TCF4: variants seen among roughly 807,000 people sequenced by gnomAD.
The protein encoded by TCF4 is SL3-3 enhancer factor 2.
A neutral mutation model predicts 82.1 loss-of-function variants in TCF4; 3 were observed. The ratio of observed to expected loss-of-function variants is 0.04; its 90% confidence interval spans 0.02 to 0.09. TCF4 has a LOEUF of 0.09. Ranked by LOEUF, TCF4 falls within the 10% of genes least tolerant of loss-of-function variation. The pLI is 1.00. For synonymous variants in TCF4, 276 were observed against 309.6 expected, an observed-to-expected ratio of 0.89 and a Z score of 1.14; for missense variants, 518 against 852.7, an observed-to-expected ratio of 0.61 and a Z score of 4.89.
chr18:55,539,321 G>T (rs111229173), intron 3 of TCF4, among the ~76,000 whole-genome samples: 113 of 152,276 alleles, frequency 7.4e-4, no homozygotes, highest in African/African-American at 2.6e-3. Flanking sequence ...AACATGTCTG[G>T]CAAGGGCTTT....
At chr18:55,384,978 G>T (rs1418572691) in intron 6 of TCF4, among the ~76,000 whole-genome samples, 1 of 152,158 alleles carries the variant, frequency 6.6e-6, no homozygotes, top group African/African-American at 2.4e-5. Flanking sequence ...GAGCCCGACA[G>T]ATTTTTACTC....
chr18:55,395,715 A>T (rs1198767873), intron 6 of TCF4, among the ~76,000 whole-genome samples: 2 of 152,222 alleles, frequency 1.3e-5, no homozygotes, highest in Admixed American at 1.3e-4. Context: ...ATGAATCCAA[A>T]TTTATATAAT....
chr18:55,324,278 C>G (rs2076191580), intron 8 of TCF4, among the ~76,000 whole-genome samples: 2 of 152,168 alleles, frequency 1.3e-5, no homozygotes, highest in Admixed American at 6.5e-5. Context: ...CGAATTATAG[C>G]CAGTGAGACA....
rs1312376110 is a variant in TCF4 at position 55,227,913 on chromosome 18, A to G, written c.*122T>C. The G allele has an allele frequency of 3.2e-6, 1 of 309,992 alleles. No individual in the cohort carries two copies. Among genetic ancestry groups the G allele is most frequent in the African/African-American group, 2.2e-5 (1 of 45,858 alleles). The allele number at this position is 309,992 out of a possible 1,614,324, so 19.2% of individuals were successfully genotyped here. A position where few individuals can be genotyped will look rare whatever the true frequency, so the allele number is the denominator to read the frequency against. On this transcript the variant is annotated 3_prime_UTR_variant, in exon 20 of 20. Coordinates refer to ENST00000354452, the MANE Select transcript of TCF4 (RefSeq NM_001083962.2). ...TTGCGTCTGCGATTCATAACTACTC[A>G]GACTTGTCTTATATTACAAAAATGG...
chr18:55,578,378 C>T (rs938694777), intron 3 of TCF4, among the ~76,000 whole-genome samples: 1 of 152,106 alleles, frequency 6.6e-6, no homozygotes, highest in Non-Finnish European at 1.5e-5. Context: ...TGTCCTATTA[C>T]AGCCAATAAC....
chr18:55,354,488 A>T (rs1449327524), intron 6 of TCF4, among the ~76,000 whole-genome samples: 1 of 152,208 alleles, frequency 6.6e-6, no homozygotes, highest in Non-Finnish European at 1.5e-5. Context: ...CCAAGAAAGC[A>T]AACCATGAAT....
rs555261180 is a variant in TCF4, at chr18:55,534,481, G to A, written c.145+50799C>T. The stretch of plus-strand genomic sequence containing the variant: ...GGGCTCCAAGCCCCTCTACTCCCTC[G>A]TCAGTTGCTCCCTCCCCTGTCTGCA... On this transcript the variant is annotated intron_variant, in intron 3 of 19. Coordinates refer to ENST00000354452, the MANE Select transcript of TCF4 (RefSeq NM_001083962.2). 1.2e-4 allele frequency among the ~76,000 whole-genome samples: 19 copies of A among 152,338 alleles called. 1 individual carries two copies. In the South Asian group the frequency reaches 2.5e-3, roughly 20 times the overall value.
At chr18:55,560,267 C>G (rs1053726885) in intron 3 of TCF4, among the ~76,000 whole-genome samples, 1 of 152,064 alleles carries the variant, frequency 6.6e-6, no homozygotes, top group African/African-American at 2.4e-5. Context: ...CTCACATGTT[C>G]AATAAAAGAA....
At chr18:55,525,504 A>C (rs1227588023) in intron 3 of TCF4, among the ~76,000 whole-genome samples, 1 of 152,192 alleles carries the variant, frequency 6.6e-6, no homozygotes, top group Non-Finnish European at 1.5e-5. Context: ...TCTCCAGTAT[A>C]ATCCTGCAAA....
At chr18:55,592,338 G>A (rs767220311), upstream of TCF4, among the ~76,000 whole-genome samples, 13 of 152,118 alleles carry the variant, frequency 8.5e-5, no homozygotes, top group Non-Finnish European at 1.5e-4. Context: ...TGACATCAGG[G>A]TGCCGTCATG....
intron 3 of TCF4, among the ~76,000 whole-genome samples, chr18:55,575,380 T>A (rs931325001): frequency 6.6e-6 from 1 of 152,236 alleles, no homozygotes; most frequent in Admixed American, 6.5e-5. Flanking sequence ...AATTGGGTTA[T>A]GTATGAAATT....
chr18:55,365,610 A>C (rs531090570), intron 6 of TCF4, among the ~76,000 whole-genome samples: 2 of 151,952 alleles, frequency 1.3e-5, no homozygotes, highest in Admixed American at 1.3e-4. Context: ...ATAAAAATCT[A>C]AAGTTTTGGC....
At chr18:55,461,205 C>T in intron 4 of TCF4, 90 bp from the exon 5 acceptor site, 1 of 1,102,398 alleles carries the variant, frequency 9.1e-7, no homozygotes, top group Admixed American at 2.0e-5. Flanking sequence ...CTTCTCCCCT[C>T]CAAAGAAATT....
rs572825025 is a variant in TCF4 at position 55,310,206 on chromosome 18, G to C, written c.550-30550C>G. Reference sequence around the variant, plus strand: ...CAAGCTGGACAGGGAAACAGGAAGAGTGAAGTGCAGGGTCTGAGAATGCCT... The same window carrying C: ...CAAGCTGGACAGGGAAACAGGAAGACTGAAGTGCAGGGTCTGAGAATGCCT... On this transcript the variant is annotated intron_variant, in intron 8 of 19. Coordinates refer to ENST00000354452, the MANE Select transcript of TCF4 (RefSeq NM_001083962.2). 5.3e-5 allele frequency among the ~76,000 whole-genome samples: 8 copies of C among 152,314 alleles called. No homozygotes were observed. In the South Asian group the frequency reaches 1.7e-3, roughly 32 times the overall value.
At position 55,508,530 on chromosome 18, in the gene TCF4, GTT is replaced by G. The variant is rs370755638; in HGVS notation, c.146-44395_146-44394del. Among the ~76,000 whole-genome samples, 447 of 152,276 alleles carry G rather than the reference GTT, an allele frequency of 2.9e-3. 1 individual carries two copies. Among genetic ancestry groups the G allele is most frequent in the South Asian group, 0.012 (58 of 4,824 alleles). ...CTATGGGCTGAACACTGTTCTCAAT[GTT>G]AGATGCATTCACTCATTTAATTCCC... is the stretch of plus-strand genomic sequence containing the variant. On this transcript the variant is annotated intron_variant, in intron 3 of 19. Coordinates refer to ENST00000354452, the MANE Select transcript of TCF4 (RefSeq NM_001083962.2).
At chr18:55,365,420 G>A (rs1047475693) in intron 6 of TCF4, among the ~76,000 whole-genome samples, 2 of 151,498 alleles carry the variant, frequency 1.3e-5, no homozygotes, top group African/African-American at 4.9e-5. Flanking sequence ...CTGCATTGCT[G>A]TCGAGTGAGA....
At chr18:55,269,698 G>A in intron 11 of TCF4, 133 bp downstream of exon 11, 3 of 1,172,674 alleles carry the variant, frequency 2.6e-6, no homozygotes, top group Non-Finnish European at 3.7e-6. Flanking sequence ...TGGTACATTT[G>A]TGTGTTCATT....
At chr18:55,372,343 A>G (rs970195522) in intron 6 of TCF4, among the ~76,000 whole-genome samples, 1 of 152,134 alleles carries the variant, frequency 6.6e-6, no homozygotes, top group African/African-American at 2.4e-5. Flanking sequence ...GACTGCAAAG[A>G]AACAGCTAAA....
intron 6 of TCF4, among the ~76,000 whole-genome samples, chr18:55,396,942 G>A (rs1224316471): frequency 6.6e-6 from 1 of 152,176 alleles, no homozygotes; most frequent in African/African-American, 2.4e-5. Context: ...AATGTGGAAG[G>A]AATGATGGAA....
Sources: allele counts gnomAD v4.1 joint callset (sites outside exome capture counted in the v4.1 genomes callset), GRCh38; gene constraint gnomAD v4.1.1; transcripts MANE v1.5; gene names NCBI Gene and HGNC (gene_info 2026-07-23, HGNC 2026-07-21).